The following SEL1L2 variants were observed in gnomAD, a reference collection of about 807,000 sequenced individuals.
The protein encoded by SEL1L2 is SEL1L2 adaptor subunit of SYVN1 ubiquitin ligase.
In SEL1L2, 89 loss-of-function variants were observed where a neutral mutation model predicts 98.8. That is an observed-to-expected ratio of 0.90 (90% CI 0.76 to 1.07). The LOEUF (loss-of-function observed/expected upper bound fraction) is 1.07, where lower values mean the gene tolerates loss of function less well. Among genes scored for constraint, SEL1L2 ranks in the 50% least tolerant of loss-of-function variants. The pLI is 0.00. For missense variants in SEL1L2, 788 were observed against 812.0 expected (o/e 0.97, Z 0.36); for synonymous variants, 262 against 278.5 (o/e 0.94, Z 0.59).
intron 1 of SEL1L2, among the ~76,000 whole-genome samples, chr20:13,974,530 G>C (rs2051445352): frequency 7.1e-6 from 1 of 140,004 alleles, no homozygotes; most frequent in Non-Finnish European, 1.5e-5. Flanking sequence ...CCAGGCTGGA[G>C]TGCAGTGGCA....
chr20:13,991,831 A>G (rs1404389046), upstream of SEL1L2, among the ~76,000 whole-genome samples: 10 of 152,146 alleles, frequency 6.6e-5, no homozygotes, highest in Non-Finnish European at 8.8e-5. Flanking sequence ...CGTGTCTACT[A>G]AAAATACAAA....
At chr20:13,906,142 C>G (rs1008326707) in intron 5 of SEL1L2, among the ~76,000 whole-genome samples, 1 of 152,172 alleles carries the variant, frequency 6.6e-6, no homozygotes, top group Admixed American at 6.5e-5. Context: ...TCCCAAAGTG[C>G]TGGCATTACA....
At chr20:13,850,349 A>C in intron 18 of SEL1L2, 30 bp from the exon 19 acceptor site, 1 of 1,612,494 alleles carries the variant, frequency 6.2e-7, no homozygotes, top group Non-Finnish European at 8.5e-7. Context: ...CCTACCCATC[A>C]GATTCTGTAG....
intron 5 of SEL1L2, among the ~76,000 whole-genome samples, chr20:13,891,983 A>G (rs1380841641): frequency 6.6e-6 from 1 of 152,230 alleles, no homozygotes; most frequent in Non-Finnish European, 1.5e-5. Context: ...TCTGGTATAC[A>G]ATTTAAAAGA....
intron 1 of SEL1L2, among the ~76,000 whole-genome samples, chr20:13,957,377 C>T (rs751128392): frequency 1.5e-4 from 23 of 152,352 alleles, no homozygotes; most frequent in Non-Finnish European, 4.4e-5. Context: ...GCTGGGATTA[C>T]AGGCGTGAGC....
At chr20:13,970,770 T>C (rs900312088) in intron 1 of SEL1L2, among the ~76,000 whole-genome samples, 6 of 152,068 alleles carry the variant, frequency 3.9e-5, no homozygotes, top group Non-Finnish European at 5.9e-5. Flanking sequence ...GGGTGGAGTT[T>C]GCAGTAGGCC....
intron 10 of SEL1L2, among the ~76,000 whole-genome samples, chr20:13,883,672 G>A (rs1005488674): frequency 1.3e-5 from 2 of 150,658 alleles, no homozygotes; most frequent in Non-Finnish European, 3.0e-5. Context: ...CCCTGGGATT[G>A]CACTTCATCC....
Position 13,865,539 on chromosome 20 carries a change from G to C in SEL1L2, c.1405-25C>G, listed in dbSNP as rs572812682. On this transcript the variant is annotated intron_variant, in intron 15 of 19. Transcript: ENST00000284951. ...GCTGTACATGAGAGGAGAAATCAAG[G>C]AGACTAGTTAGCCAGTATGCTTCAC... 2.5e-6 allele frequency: 4 copies of C among 1,599,084 alleles called. No individual in the cohort carries two copies. The Admixed American group carries it at 6.9e-5, about 28-fold the overall frequency.
At chr20:13,982,651 G>A (rs747183408) in intron 1 of SEL1L2, among the ~76,000 whole-genome samples, 15 of 151,814 alleles carry the variant, frequency 9.9e-5, no homozygotes, top group Non-Finnish European at 1.9e-4. Flanking sequence ...AAATAGATGG[G>A]AGACAGGACC....
intron 10 of SEL1L2, among the ~76,000 whole-genome samples, chr20:13,878,234 C>T (rs536501215): frequency 8.5e-5 from 13 of 152,184 alleles, no homozygotes; most frequent in Non-Finnish European, 1.2e-4. Context: ...CTCGACCTTC[C>T]GGAAAGCCCC....
chr20:13,973,264 A>G (rs888310153), intron 1 of SEL1L2: 1 of 152,188 alleles, frequency 6.6e-6, no homozygotes, highest in Non-Finnish European at 1.5e-5. Context: ...AACCTCTCTA[A>G]ATACATATTA....
chr20:13,956,468 C>T (rs1424958103), intron 1 of SEL1L2, among the ~76,000 whole-genome samples: 4 of 151,896 alleles, frequency 2.6e-5, no homozygotes, highest in Non-Finnish European at 5.9e-5. Context: ...TTAAATGTAT[C>T]TATATAAATA....
Position 13,888,060 on chromosome 20 carries a change from A to C in SEL1L2, c.604-59T>G. ...AAACCAGGTTGGCCATTTAAATTTGAAACTCAAACCAAGTATTCCATTTTT... is the reference window on the plus strand; with the variant it reads ...AAACCAGGTTGGCCATTTAAATTTGCAACTCAAACCAAGTATTCCATTTTT... On this transcript the variant is annotated intron_variant, in intron 6 of 19. Coordinates refer to ENST00000284951, the MANE Select transcript of SEL1L2 (RefSeq NM_025229.2). 6 of 1,421,954 alleles carry C rather than the reference A, an allele frequency of 4.2e-6. No individual in the cohort carries two copies. The East Asian group carries it at 1.4e-4, about 32-fold the overall frequency. The allele number at this position is 1,421,954 out of a possible 1,614,324, so 88.1% of individuals were successfully genotyped here. A position where few individuals can be genotyped will look rare whatever the true frequency, so the allele number is the denominator to read the frequency against.
At chr20:13,924,753 C>T (rs1156530092) in intron 3 of SEL1L2, among the ~76,000 whole-genome samples, 1 of 151,446 alleles carries the variant, frequency 6.6e-6, no homozygotes, top group Non-Finnish European at 1.5e-5. Flanking sequence ...GCTGCTTATT[C>T]CTTTGTCAGG....
At chr20:13,985,421 A>T (rs1380847936) in intron 1 of SEL1L2, among the ~76,000 whole-genome samples, 1 of 152,064 alleles carries the variant, frequency 6.6e-6, no homozygotes, top group African/African-American at 2.4e-5. Context: ...ACACTCACTA[A>T]TCTTTCAAGA....
intron 19 of SEL1L2, 68 bp from the exon 20 acceptor site, chr20:13,849,672 T>G: frequency 2.6e-5 from 41 of 1,567,094 alleles, no homozygotes; most frequent in Middle Eastern, 2.2e-4. Context: ...CCACCATCTC[T>G]TCCCAAACCC....
At chr20:13,905,507 G>C (rs938756532) in intron 5 of SEL1L2, among the ~76,000 whole-genome samples, 2 of 151,766 alleles carry the variant, frequency 1.3e-5, no homozygotes, top group African/African-American at 2.4e-5. Flanking sequence ...GTAGAGACAG[G>C]GTTTCACCAT....
intron 3 of SEL1L2, among the ~76,000 whole-genome samples, chr20:13,922,095 C>T (rs2048689696): frequency 6.6e-6 from 1 of 152,046 alleles, no homozygotes; most frequent in African/African-American, 2.4e-5. Flanking sequence ...TTTCTTTCTG[C>T]TAAATTAAAG....
intron 5 of SEL1L2, among the ~76,000 whole-genome samples, chr20:13,900,906 G>T (rs945524208): frequency 6.6e-6 from 1 of 152,114 alleles, no homozygotes; most frequent in South Asian, 2.1e-4. Context: ...ATTATTGGGA[G>T]CATTTTAAAG....
Sources: gnomAD v4.1 joint callset for allele counts (sites outside exome capture counted in the v4.1 genomes callset) on GRCh38, gnomAD v4.1.1 for gene constraint, MANE v1.5 for transcripts, NCBI Gene and HGNC (gene_info 2026-07-23, HGNC 2026-07-21) for gene names.